HNF4G: variants seen among roughly 807,000 people sequenced by gnomAD.
HNF4G encodes the protein hepatocyte nuclear factor 4 gamma.
A neutral mutation model predicts 50.9 loss-of-function variants in HNF4G; 21 were observed. The ratio of observed to expected loss-of-function variants is 0.41; its 90% CI spans 0.29 to 0.59. The LOEUF (loss-of-function observed/expected upper bound fraction) is 0.59. Among genes scored for constraint, HNF4G ranks in the 20% least tolerant of loss-of-function variants. The pLI, the probability that HNF4G is intolerant of heterozygous loss-of-function variation, is 0.26. For missense variants in HNF4G, 527 were observed against 559.4 expected, an observed-to-expected ratio of 0.94 and a Z score of 0.58; for synonymous variants, 198 against 185.6, an observed-to-expected ratio of 1.07 and a Z score of -0.54.
chr8:75,453,678 C>A (rs1335738212), intron 1 of HNF4G, among the ~76,000 whole-genome samples: 1 of 152,150 alleles, frequency 6.6e-6, no homozygotes, highest in Non-Finnish European at 1.5e-5. Context: ...TTCTTGAAGT[C>A]AGTCAGACCA....
chr8:75,556,166 C>T, intron 6 of HNF4G, 97 bp downstream of exon 6: 1 of 518,610 alleles, frequency 1.9e-6, no homozygotes, highest in Non-Finnish European at 3.3e-6. Flanking sequence ...TATTTACAGA[C>T]ACTGGCAAAT....
intron 1 of HNF4G, among the ~76,000 whole-genome samples, chr8:75,448,769 G>C (rs1332648023): frequency 6.6e-6 from 1 of 151,902 alleles, no homozygotes; most frequent in African/African-American, 2.4e-5. Context: ...TAAAAGCAAA[G>C]TAAGAAATTA....
intron 5 of HNF4G, among the ~76,000 whole-genome samples, chr8:75,555,393 G>A (rs1001604964): frequency 1.3e-5 from 2 of 152,140 alleles, no homozygotes; most frequent in African/African-American, 4.8e-5. Context: ...TTGAGTGTAC[G>A]AATGAAGCTC....
chr8:75,546,157 A>G (rs541876434), intron 2 of HNF4G, among the ~76,000 whole-genome samples: 1 of 152,162 alleles, frequency 6.6e-6, no homozygotes, highest in East Asian at 1.9e-4. Flanking sequence ...ATATGTATGG[A>G]TAATTTTTGC....
chr8:75,443,566 G>T (rs568256798), intron 1 of HNF4G, among the ~76,000 whole-genome samples: 1 of 152,186 alleles, frequency 6.6e-6, no homozygotes, highest in South Asian at 2.1e-4. Context: ...TCACTATGTT[G>T]CCCAGGCTGG....
At chr8:75,525,330 G>A (rs529697843) in intron 2 of HNF4G, among the ~76,000 whole-genome samples, 6 of 152,164 alleles carry the variant, frequency 3.9e-5, no homozygotes, top group African/African-American at 7.2e-5. Context: ...CACCATGCCC[G>A]GCTAATTTTT....
At chr8:75,436,639 G>A (rs1215228911) in intron 1 of HNF4G, among the ~76,000 whole-genome samples, 1 of 152,140 alleles carries the variant, frequency 6.6e-6, no homozygotes, top group Non-Finnish European at 1.5e-5. Context: ...CTTAATAGGT[G>A]AAATTTCAAA....
intron 1 of HNF4G, among the ~76,000 whole-genome samples, chr8:75,474,568 C>T (rs10092405): frequency 0.49 from 73,885 of 151,978 alleles, 20,484 homozygotes; most frequent in African/African-American, 0.77. Flanking sequence ...TTACAAATGT[C>T]TGAAATATGT....
At chr8:75,489,486 C>T (rs1274527594) in intron 1 of HNF4G, among the ~76,000 whole-genome samples, 2 of 152,130 alleles carry the variant, frequency 1.3e-5, no homozygotes, top group Non-Finnish European at 2.9e-5. Context: ...CCTTTTTGAC[C>T]TACCTCCATG....
In HNF4G at chr8:75,434,227, C is replaced by T. The variant is rs192986427; in HGVS notation, c.-144+26065C>T. On this transcript the variant is annotated intron_variant, in intron 1 of 10. Coordinates refer to the HNF4G transcript ENST00000354370. Reference sequence around the variant, plus strand: ...CCGTGCTGGCCAGGATGGTCTCGATCTCCTGACCTCATGATCTGCCCGCCT... The same window carrying T: ...CCGTGCTGGCCAGGATGGTCTCGATTTCCTGACCTCATGATCTGCCCGCCT... Among the ~76,000 whole-genome samples, 172 of 152,120 alleles carry T rather than the reference C, an allele frequency of 1.1e-3. 1 individual carries two copies. The highest frequency in any genetic ancestry group is 3.9e-3 in the African/African-American group (163 of 41,516).
At chr8:75,548,020 G>A (rs868279081) in intron 3 of HNF4G, among the ~76,000 whole-genome samples, 14 of 145,930 alleles carry the variant, frequency 9.6e-5, no homozygotes, top group Middle Eastern at 7.2e-3. Context: ...ATGGAGTCTC[G>A]CTCTGTCAAC....
At chr8:75,508,214 T>C (rs1469610236) in intron 2 of HNF4G, among the ~76,000 whole-genome samples, 1 of 152,062 alleles carries the variant, frequency 6.6e-6, no homozygotes, top group Non-Finnish European at 1.5e-5. Context: ...GGCCGGGAGC[T>C]CCTTTCCTCT....
intron 2 of HNF4G, among the ~76,000 whole-genome samples, chr8:75,498,246 AC>A (rs1444364902): frequency 6.6e-6 from 1 of 152,190 alleles, no homozygotes; most frequent in Non-Finnish European, 1.5e-5. Flanking sequence ...TTAACAAGGA[AC>A]AAAAAAGCAA....
At chr8:75,542,788 C>T (rs909765762) in intron 1 of HNF4G, among the ~76,000 whole-genome samples, 30 of 151,938 alleles carry the variant, frequency 2.0e-4, no homozygotes, top group African/African-American at 6.0e-4. Context: ...AGTAGGGCAG[C>T]AAGAATGGAA....
intron 2 of HNF4G, among the ~76,000 whole-genome samples, chr8:75,531,360 A>T (rs1806321689): frequency 6.6e-6 from 1 of 152,166 alleles, no homozygotes; most frequent in Non-Finnish European, 1.5e-5. Flanking sequence ...CTCAATTCCA[A>T]GTATCAACAG....
chr8:75,463,038 C>G (rs566701842), intron 1 of HNF4G, among the ~76,000 whole-genome samples: 10 of 148,962 alleles, frequency 6.7e-5, no homozygotes, highest in African/African-American at 2.5e-4. Context: ...TGTTCCTCCT[C>G]TGATATTCAA....
At position 75,551,374 on chromosome 8, in the gene HNF4G, T is replaced by C. The variant is rs544266170; in HGVS notation, c.383-14T>C. ...AGAGAAGTGCTCAATAAATACTGTG[T>C]TTTTTCCCCCTAGCTGTACAAAATG... is the stretch of plus-strand genomic sequence containing the variant. On this transcript the variant is annotated splice_polypyrimidine_tract_variant and intron_variant, in intron 3 of 9. Transcript: ENST00000396423. 5 of 1,521,012 alleles carry C rather than the reference T, an allele frequency of 3.3e-6. No homozygotes were observed. The highest frequency in any genetic ancestry group is 3.7e-6 in the Non-Finnish European group (4 of 1,095,796). The allele number at this position is 1,521,012 out of a possible 1,614,324, so 94.2% of individuals were successfully genotyped here.
At chr8:75,549,324 A>C (rs990586623) in intron 3 of HNF4G, among the ~76,000 whole-genome samples, 3 of 152,198 alleles carry the variant, frequency 2.0e-5, no homozygotes, top group Non-Finnish European at 4.4e-5. Context: ...ATAAATGTTT[A>C]CAATATCTTT....
At chr8:75,455,477 G>A (rs16939073) in intron 1 of HNF4G, among the ~76,000 whole-genome samples, 25,496 of 152,034 alleles carry the variant, frequency 0.17, 2,354 homozygotes, top group African/African-American at 0.23. Flanking sequence ...TTTAGGTACT[G>A]TGCTCCAGAG....
Sources: gnomAD v4.1 joint callset for allele counts (sites outside exome capture counted in the v4.1 genomes callset) on GRCh38, gnomAD v4.1.1 for gene constraint, MANE v1.5 for transcripts, NCBI Gene and HGNC (gene_info 2026-07-23, HGNC 2026-07-21) for gene names.